Variants in RHOH observed in about 807,000 individuals in gnomAD.
The protein encoded by RHOH is rho-related GTP-binding protein RhoH.
Under a neutral mutation model 13.8 loss-of-function variants are expected in RHOH, and 6 were observed. That is an observed-to-expected ratio of 0.44 (90% CI 0.24 to 0.86). RHOH has a LOEUF of 0.86. Among genes scored for constraint, RHOH ranks in the 40% least tolerant of loss-of-function variants. The pLI, the probability that RHOH is intolerant of heterozygous loss-of-function variation, is 0.24. For missense variants in RHOH, 147 were observed against 244.5 expected, an observed-to-expected ratio of 0.60 and a Z score of 2.66; for synonymous variants, 117 against 103.0, an observed-to-expected ratio of 1.14 and a Z score of -0.82.
At chr4:40,203,616 T>C (rs1344973064) in intron 1 of RHOH, among the ~76,000 whole-genome samples, 1 of 152,002 alleles carries the variant, frequency 6.6e-6, no homozygotes, top group Non-Finnish European at 1.5e-5. Context: ...GAAGGACTTA[T>C]AATGTAAAAG....
In RHOH at chr4:40,218,397, T is replaced by G. The variant is rs1472729698; in HGVS notation, c.-331+21097T>G. On this transcript the variant is annotated intron_variant, in intron 1 of 2. Transcript: ENST00000381799. The surrounding 1 kb of genome is among the most constrained non-coding windows in gnomAD (Gnocchi z 4.1). The stretch of plus-strand genomic sequence containing the variant: ...AACATGCCCAAATTCTGTTCTACCT[T>G]GTGTAAATCTAAGACAGGGGCTACT... 1 of 152,188 alleles carries G rather than the reference T, an allele frequency of 6.6e-6. No individual in the cohort carries two copies. Among genetic ancestry groups the G allele is most frequent in the Non-Finnish European group, 1.5e-5 (1 of 68,040 alleles). 9.4% of individuals were successfully genotyped at this position (152,188 alleles called of 1,614,324 possible).
intron 1 of RHOH, among the ~76,000 whole-genome samples, chr4:40,198,231 C>T (rs968046480): frequency 6.6e-6 from 1 of 151,974 alleles, no homozygotes; most frequent in African/African-American, 2.4e-5. Context: ...TGGAAGAATG[C>T]GAAGTGTCGG....
chr4:40,243,944 T>C lies in RHOH; in HGVS notation c.558T>C (p.Asn186=). 1 of 1,613,532 alleles carries C rather than the reference T, an allele frequency of 6.2e-7. No homozygotes were observed. The highest frequency in any genetic ancestry group is 8.5e-7 in the Non-Finnish European group (1 of 1,179,688). The change falls in exon 3 of 3, where the codon AAT becomes AAC. Residue 186 remains asparagine (N), a synonymous_variant. Transcript: ENST00000381799. This position sits in a 1 kb window ranked among gnomAD's most constrained non-coding sequence, Gnocchi z 6.2. The stretch of plus-strand genomic sequence containing the variant: ...ACAGAAGGAGGCTCTTCTCCATCAA[T>C]GAGTGCAAGATCTTCTAAACCCCAA... ...RRNRRRLFSI[N]ECKIF is the part of the protein sequence containing the mutation.
intron 1 of RHOH, among the ~76,000 whole-genome samples, chr4:40,203,205 C>A (rs1041885780): frequency 2.0e-5 from 3 of 152,160 alleles, no homozygotes; most frequent in African/African-American, 7.2e-5. Context: ...ATCTCCTGAC[C>A]TCGTGATCCG....
At chr4:40,203,626 G>A (rs1724299832) in intron 1 of RHOH, among the ~76,000 whole-genome samples, 1 of 152,054 alleles carries the variant, frequency 6.6e-6, no homozygotes, top group African/African-American at 2.4e-5. Context: ...TAATGTAAAA[G>A]GGGAATGAAA....
At position 40,243,576 on chromosome 4, in the gene RHOH, G is replaced by A; in HGVS notation, c.190G>A (p.Ala64Thr). 7 of 1,614,116 alleles carry A rather than the reference G, an allele frequency of 4.3e-6. No individual in the cohort carries two copies. The highest frequency in any genetic ancestry group is 4.5e-5 in the East Asian group (2 of 44,876). ...LGLWDTAGND[A>T]FRSIRPLSYQ... ...CCTCTGGGACACAGCCGGCAATGAC[G>A]CCTTCAGAAGCATCCGGCCCCTGTC... Residue 64 changes from alanine (A) to threonine (T), a missense_variant, in exon 3 of 3, where the codon GCC (alanine) becomes ACC (threonine). Ala to Thr is a moderately conservative substitution (Grantham distance 58, BLOSUM62 0). Transcript: ENST00000381799. This position sits in a 1 kb window ranked among gnomAD's most constrained non-coding sequence, Gnocchi z 6.2.
chr4:40,204,402 C>T (rs1724397973), intron 1 of RHOH, among the ~76,000 whole-genome samples: 1 of 152,206 alleles, frequency 6.6e-6, no homozygotes, highest in Non-Finnish European at 1.5e-5. Context: ...CACGCGCTGA[C>T]TATTCTATTC....
chr4:40,231,358 A>G (rs1354460973), intron 1 of RHOH, among the ~76,000 whole-genome samples: 3 of 146,588 alleles, frequency 2.0e-5, no homozygotes, highest in Non-Finnish European at 4.5e-5. Flanking sequence ...AACATAGAAG[A>G]GAACATGTTT....
At chr4:40,219,995 A>G (rs1225884061) in intron 1 of RHOH, among the ~76,000 whole-genome samples, 1 of 152,232 alleles carries the variant, frequency 6.6e-6, no homozygotes, top group Non-Finnish European at 1.5e-5. Flanking sequence ...TGGCTAGGTA[A>G]AGCAGGGACA....
In RHOH at chr4:40,246,895, G is replaced by A. The variant is rs1036052345; in HGVS notation, c.*2933G>A. On this transcript the variant is annotated 3_prime_UTR_variant, in exon 3 of 3. Transcript: ENST00000381799. Reference sequence around the variant, plus strand: ...TTGTGGTACCTTTTTGTAGACTATTGCATATCGATTCTTAACTATTCCAAG... The same window carrying A: ...TTGTGGTACCTTTTTGTAGACTATTACATATCGATTCTTAACTATTCCAAG... 2.0e-5 allele frequency: 3 copies of A among 152,250 alleles called. No individual in the cohort carries two copies. The highest frequency in any genetic ancestry group is 6.5e-5 in the Admixed American group (1 of 15,286). The allele number at this position is 152,250 out of a possible 1,614,324, so 9.4% of individuals were successfully genotyped here. A position where few individuals can be genotyped will look rare whatever the true frequency, so the allele number is the denominator to read the frequency against.
upstream of RHOH, among the ~76,000 whole-genome samples, chr4:40,195,298 T>C (rs1723001860): frequency 6.6e-6 from 1 of 152,122 alleles, no homozygotes; most frequent in African/African-American, 2.4e-5. Flanking sequence ...GCTGATAACA[T>C]CACCATGGTG....
At chr4:40,225,341 C>T (rs1260500606) in intron 1 of RHOH, among the ~76,000 whole-genome samples, 1 of 152,058 alleles carries the variant, frequency 6.6e-6, no homozygotes, top group Non-Finnish European at 1.5e-5. Flanking sequence ...CTGCCTCGGC[C>T]TTCCAAAGTT....
At chr4:40,222,046 T>A (rs931912280) in intron 1 of RHOH, among the ~76,000 whole-genome samples, 1 of 152,216 alleles carries the variant, frequency 6.6e-6, no homozygotes, top group African/African-American at 2.4e-5. Flanking sequence ...AACAAGGCCC[T>A]AACTTGCTTC....
intron 1 of RHOH, among the ~76,000 whole-genome samples, chr4:40,224,441 G>A (rs138308978): frequency 5.3e-5 from 8 of 152,366 alleles, no homozygotes; most frequent in Admixed American, 3.9e-4. Flanking sequence ...AAAGGTCTCC[G>A]CATTTAAAAG....
chr4:40,210,695 G>C (rs550668333), intron 1 of RHOH, among the ~76,000 whole-genome samples: 1 of 152,312 alleles, frequency 6.6e-6, no homozygotes, highest in Non-Finnish European at 1.5e-5. Context: ...GGGTTGTGGT[G>C]GGGCGTAGAT....
At chr4:40,231,432 C>A (rs570115100) in intron 1 of RHOH, among the ~76,000 whole-genome samples, 1 of 151,072 alleles carries the variant, frequency 6.6e-6, no homozygotes, top group Admixed American at 6.6e-5. Context: ...CCCCACTTCT[C>A]TTCCCCTTCA....
At chr4:40,201,512 T>C (rs1002027023) in intron 1 of RHOH, among the ~76,000 whole-genome samples, 7 of 152,240 alleles carry the variant, frequency 4.6e-5, no homozygotes, top group Admixed American at 1.3e-4. Context: ...TTTATCTGTG[T>C]GATGGAAATG....
chr4:40,194,864 T>C (rs1722966093), upstream of RHOH, among the ~76,000 whole-genome samples: 2 of 152,210 alleles, frequency 1.3e-5, no homozygotes, highest in Admixed American at 6.5e-5. Flanking sequence ...CACGGACTTG[T>C]GGCTGGCTGC....
intron 1 of RHOH, among the ~76,000 whole-genome samples, chr4:40,202,135 C>T (rs1002666400): frequency 4.0e-5 from 6 of 151,358 alleles, no homozygotes; most frequent in African/African-American, 9.7e-5. Flanking sequence ...TTTGTAGAGA[C>T]GGGGTCTCAC....
Sources: gnomAD v4.1 joint callset for allele counts (sites outside exome capture counted in the v4.1 genomes callset) on GRCh38, gnomAD v4.1.1 for gene constraint, Gnocchi (gnomAD v3.1) non-coding constraint, MANE v1.5 for transcripts, NCBI Gene and HGNC (gene_info 2026-07-23, HGNC 2026-07-21) for gene names.